The following CACNA1C variants were observed in gnomAD, a reference collection of about 807,000 sequenced individuals.
CACNA1C encodes the protein calcium voltage-gated channel subunit alpha1 C.
A neutral mutation model predicts 229.0 loss-of-function variants in CACNA1C; 30 were observed. The observed-to-expected ratio is 0.13, with a 90% CI of 0.10 to 0.18. The LOEUF (loss-of-function observed/expected upper bound fraction) is 0.18, where lower values mean the gene tolerates loss of function less well. Among genes scored for constraint, CACNA1C ranks in the 10% least tolerant of loss-of-function variants. The probability of loss-of-function intolerance (pLI) is 1.00; values close to 1 mark genes in which losing one functional copy is unlikely to be tolerated. For synonymous variants in CACNA1C, 1,114 were observed against 1,132.5 expected, an observed-to-expected ratio of 0.98 and a Z score of 0.33; for missense variants, 1,658 against 2,845.0, an observed-to-expected ratio of 0.58 and a Z score of 9.49.
chr12:1,975,853 G>T (rs1471379117), intron 1 of CACNA1C, among the ~76,000 whole-genome samples: 1 of 152,096 alleles, frequency 6.6e-6, no homozygotes, highest in Non-Finnish European at 1.5e-5. Flanking sequence ...TCACATGAAG[G>T]TTCTCTCCGT....
intron 3 of CACNA1C, among the ~76,000 whole-genome samples, chr12:2,301,616 G>A (rs138945627): frequency 3.7e-4 from 56 of 152,244 alleles, no homozygotes; most frequent in Non-Finnish European, 6.8e-4. Context: ...AGCCCTATGT[G>A]GCCTGCAAAC....
rs117501288 is a variant in CACNA1C at position 2,094,188 on chromosome 12, A to G, written c.50-21036A>G. On this transcript the variant is annotated intron_variant, in intron 1 of 46. Transcript: ENST00000399655. ...TGAATGAGCAGGCAGTTGTAATCTCAGTGGCATCCCACTCCACAATCTGAA... is the reference window on the plus strand; with the variant it reads ...TGAATGAGCAGGCAGTTGTAATCTCGGTGGCATCCCACTCCACAATCTGAA... Among the ~76,000 whole-genome samples the G allele has an allele frequency of 2.4e-3, 358 of 152,318 alleles. 6 individuals carry two copies. In the South Asian group the frequency reaches 0.043, roughly 18 times the overall value.
chr12:2,241,748 A>G (rs900875945), intron 3 of CACNA1C, among the ~76,000 whole-genome samples: 1 of 152,194 alleles, frequency 6.6e-6, no homozygotes. Flanking sequence ...AATTTTGTGG[A>G]AAGATCCCTC....
intron 14 of CACNA1C, 32 bp downstream of exon 14, chr12:2,581,829 CG>C: frequency 7.0e-7 from 1 of 1,423,102 alleles, no homozygotes; most frequent in African/African-American, 1.4e-5. Context: ...GATTCGGACT[CG>C]GGGTGGTTGA....
Position 2,677,420 on chromosome 12 carries a change from G to T in CACNA1C, c.4956+199G>T. 1.6e-6 allele frequency: 1 copy of T among 634,754 alleles called. No individual in the cohort carries two copies. Among genetic ancestry groups the T allele is most frequent in the Non-Finnish European group, 2.7e-6 (1 of 372,742 alleles). 39.3% of individuals were successfully genotyped at this position (634,754 alleles called of 1,614,324 possible). On this transcript the variant is annotated intron_variant, in intron 40 of 46. Coordinates refer to ENST00000399655, the MANE Select transcript of CACNA1C (RefSeq NM_000719.7). The surrounding 1 kb of genome is among the most constrained non-coding windows in gnomAD (Gnocchi z 7.4). Reference sequence around the variant, plus strand: ...CTTCCCTACCTGCCACCCACCGACTGCCCTCCATGGTTCTGCCTGCTGTCA... The same window carrying T: ...CTTCCCTACCTGCCACCCACCGACTTCCCTCCATGGTTCTGCCTGCTGTCA...
rs2429124 is a variant in CACNA1C at position 2,005,668 on chromosome 12, T to G, written c.139+34467T>G. 5.6e-3 allele frequency among the ~76,000 whole-genome samples: 857 copies of G among 152,330 alleles called. 9 individuals carry two copies. Among genetic ancestry groups the G allele is most frequent in the African/African-American group, 0.019 (799 of 41,574 alleles). Reference sequence around the variant, plus strand: ...TAATGAGCGCAATTTTAACAAATCTTGTATAATGGAAAGTGTCAATATCTC... The same window carrying G: ...TAATGAGCGCAATTTTAACAAATCTGGTATAATGGAAAGTGTCAATATCTC... On this transcript the variant is annotated intron_variant, in intron 1 of 46. Transcript: ENST00000682462.
intron 1 of CACNA1C, among the ~76,000 whole-genome samples, chr12:2,074,230 T>G (rs1310146891): frequency 6.6e-6 from 1 of 152,224 alleles, no homozygotes; most frequent in African/African-American, 2.4e-5. Context: ...GCTAGGTTGG[T>G]AAATCATAGA....
intron 3 of CACNA1C, among the ~76,000 whole-genome samples, chr12:2,229,861 G>GT (rs1251320873): frequency 3.3e-5 from 5 of 152,202 alleles, no homozygotes; most frequent in Non-Finnish European, 7.3e-5. Context: ...GCAGGCCACG[G>GT]TGAGCACGGC....
At chr12:2,151,802 C>T (rs1401151789) in intron 3 of CACNA1C, among the ~76,000 whole-genome samples, 1 of 152,154 alleles carries the variant, frequency 6.6e-6, no homozygotes, top group African/African-American at 2.4e-5. Flanking sequence ...ATACATAGGT[C>T]AGTGGACCCT....
chr12:2,463,736 C>T (rs897368831), intron 5 of CACNA1C, among the ~76,000 whole-genome samples: 11 of 152,186 alleles, frequency 7.2e-5, no homozygotes, highest in African/African-American at 2.4e-4. Flanking sequence ...CTTGATTACA[C>T]TGCAGAGGTG....
rs959156009 is a variant in CACNA1C, at chr12:2,429,764, C to T, written c.478-19212C>T. ...TCCCTCTGCTCACTCCCAAGTACTT[C>T]GTGATATTCTATGGGCCAAAACACC... On this transcript the variant is annotated intron_variant, in intron 3 of 46. Transcript: ENST00000399655. Among the ~76,000 whole-genome samples, 10 of 152,168 alleles carry T rather than the reference C, an allele frequency of 6.6e-5. No individual in the cohort carries two copies. The South Asian group carries it at 1.2e-3, about 19-fold the overall frequency.
intron 3 of CACNA1C, among the ~76,000 whole-genome samples, chr12:2,197,731 A>G (rs1485992928): frequency 2.0e-5 from 3 of 152,212 alleles, no homozygotes; most frequent in Non-Finnish European, 4.4e-5. Flanking sequence ...ATTGAATAGA[A>G]CCAAATTGGG....
intron 4 of CACNA1C, among the ~76,000 whole-genome samples, chr12:2,453,158 A>C (rs962021294): frequency 2.0e-5 from 3 of 152,132 alleles, no homozygotes; most frequent in African/African-American, 4.8e-5. Flanking sequence ...CCTCTGGACT[A>C]GAGGAGCCAG....
At chr12:2,474,051 T>A (rs1298111723) in intron 5 of CACNA1C, among the ~76,000 whole-genome samples, 1 of 139,190 alleles carries the variant, frequency 7.2e-6, no homozygotes, top group East Asian at 2.1e-4. Context: ...AGAAAAAAAA[T>A]CATTAGAGAG....
At chr12:1,982,763 T>G (rs777781258) in intron 1 of CACNA1C, among the ~76,000 whole-genome samples, 4 of 152,132 alleles carry the variant, frequency 2.6e-5, no homozygotes, top group Non-Finnish European at 5.9e-5. Flanking sequence ...TTGAAATGTC[T>G]TTGCCTTGTT....
At chr12:2,609,792 G>C (rs1404946583) in intron 27 of CACNA1C, among the ~76,000 whole-genome samples, 1 of 151,834 alleles carries the variant, frequency 6.6e-6, no homozygotes, top group African/African-American at 2.4e-5. Context: ...TCAGTGAACT[G>C]TGTTTTTCCA....
rs746455144 is a variant in CACNA1C at position 2,585,541 on chromosome 12, G to A, written c.2460+45G>A. 5 of 1,510,730 alleles carry A rather than the reference G, an allele frequency of 3.3e-6. No individual in the cohort carries two copies. Among genetic ancestry groups the A allele is most frequent in the Non-Finnish European group, 4.4e-6 (5 of 1,126,114 alleles). The allele number at this position is 1,510,730 out of a possible 1,614,324, so 93.6% of individuals were successfully genotyped here. On this transcript the variant is annotated intron_variant, in intron 17 of 46. Coordinates refer to ENST00000399655, the MANE Select transcript of CACNA1C (RefSeq NM_000719.7). This position sits in a 1 kb window ranked among gnomAD's most constrained non-coding sequence, Gnocchi z 4.1. ...CTGGAGCTGTGAGGCCGGTGCTGGG[G>A]AGGGAGGGCCACAGCCTTCCCAGGC...
intron 3 of CACNA1C, among the ~76,000 whole-genome samples, chr12:2,172,900 G>T (rs749973653): frequency 1.8e-4 from 28 of 152,230 alleles, no homozygotes; most frequent in Non-Finnish European, 3.1e-4. Context: ...GGCCTCATGG[G>T]ACCAGAAGTG....
At chr12:2,323,314 C>A (rs892356719) in intron 3 of CACNA1C, among the ~76,000 whole-genome samples, 31 of 152,200 alleles carry the variant, frequency 2.0e-4, no homozygotes, top group Non-Finnish European at 7.3e-5. Flanking sequence ...CCTTCACTGG[C>A]CACAATGTTG....
Sources: gnomAD v4.1 joint callset for allele counts (sites outside exome capture counted in the v4.1 genomes callset) on GRCh38, gnomAD v4.1.1 for gene constraint, Gnocchi (gnomAD v3.1) non-coding constraint, MANE v1.5 for transcripts, NCBI Gene and HGNC (gene_info 2026-07-23, HGNC 2026-07-21) for gene names.